The following ACOT12 variants were observed in gnomAD, a reference collection of about 807,000 sequenced individuals.
The protein encoded by ACOT12 is acyl-CoA thioesterase 12.
Under a neutral mutation model 67.7 loss-of-function variants are expected in ACOT12, and 51 were observed. The observed-to-expected ratio is 0.75, with a 90% CI of 0.60 to 0.95. The LOEUF is 0.95. Ranked by LOEUF, ACOT12 falls within the 40% of genes least tolerant of loss-of-function variation. ACOT12 has a pLI of 0.00. For missense variants in ACOT12, 734 were observed against 708.1 expected (o/e 1.04, Z -0.41); for synonymous variants, 251 against 244.6 (o/e 1.03, Z -0.24).
chr5:81,385,625 G>T, intron 2 of ACOT12, 132 bp downstream of exon 2: 1 of 759,126 alleles, frequency 1.3e-6, no homozygotes, highest in Non-Finnish European at 2.1e-6. Context: ...ACCTAAATTG[G>T]GTCACATGTT....
intron 11 of ACOT12, among the ~76,000 whole-genome samples, chr5:81,339,011 G>A (rs949556233): frequency 6.6e-6 from 1 of 150,508 alleles, no homozygotes; most frequent in Non-Finnish European, 1.5e-5. Context: ...AACCCAGGAG[G>A]GGGAGTTGTA....
rs575738919 is a variant in ACOT12 at position 81,330,268 on chromosome 5, G to A, written c.*126C>T. On this transcript the variant is annotated 3_prime_UTR_variant, in exon 15 of 15. Transcript: ENST00000307624. ...AAGATGCATTTTGTTTTTTAACTCCGTCACTGCATTTTGCTTAGGGTTATA... is the reference window on the plus strand; with the variant it reads ...AAGATGCATTTTGTTTTTTAACTCCATCACTGCATTTTGCTTAGGGTTATA... The A allele has an allele frequency of 7.9e-5, 85 of 1,074,950 alleles. 1 individual carries two copies. In the East Asian group the frequency reaches 1.3e-3, roughly 17 times the overall value. The allele number at this position is 1,074,950 out of a possible 1,614,324, so 66.6% of individuals were successfully genotyped here.
chr5:81,381,037 A>G (rs1023002844), intron 2 of ACOT12, among the ~76,000 whole-genome samples: 1 of 152,120 alleles, frequency 6.6e-6, no homozygotes, highest in Non-Finnish European at 1.5e-5. Context: ...CTAAATGTAG[A>G]AAAGATGCAG....
chr5:81,357,972 C>T (rs980850157), intron 5 of ACOT12, among the ~76,000 whole-genome samples: 1 of 143,844 alleles, frequency 7.0e-6, no homozygotes, highest in African/African-American at 2.6e-5. Flanking sequence ...CGCCACTGCA[C>T]TCCAGCCTGG....
In ACOT12 at chr5:81,338,852, TG is replaced by T. The variant is rs199795820; in HGVS notation, c.1129-2952del. On this transcript the variant is annotated intron_variant, in intron 11 of 14. Transcript: ENST00000307624. ...ATCCCAACACTTTGGGAGGCCGAGG[TG>T]GGCAGATCACCTGAGGTCAGGAGTT... is the stretch of plus-strand genomic sequence containing the variant. Among the ~76,000 whole-genome samples the T allele has an allele frequency of 1.5e-4, 23 of 152,212 alleles. No individual in the cohort carries two copies. In the East Asian group the frequency reaches 2.5e-3, roughly 17 times the overall value.
intron 5 of ACOT12, among the ~76,000 whole-genome samples, chr5:81,351,624 A>C (rs1037647686): frequency 1.3e-5 from 2 of 152,234 alleles, no homozygotes; most frequent in Non-Finnish European, 2.9e-5. Context: ...GAAAGGCTTA[A>C]ATCTAAGACC....
the ACOT12 span, among the ~76,000 whole-genome samples, chr5:81,319,755 T>C: frequency 6.6e-6 from 1 of 151,458 alleles, no homozygotes; most frequent in African/African-American, 2.4e-5. Flanking sequence ...TTAGCAGTCA[T>C]TCATCCTTCC....
At chr5:81,317,377 A>T in the ACOT12 span, among the ~76,000 whole-genome samples, 2 of 151,962 alleles carry the variant, frequency 1.3e-5, no homozygotes, top group Non-Finnish European at 2.9e-5. Context: ...TGGTGGGCAC[A>T]TGTAATCCCA....
intron 1 of ACOT12, among the ~76,000 whole-genome samples, chr5:81,391,282 C>T (rs897473099): frequency 2.0e-5 from 3 of 152,180 alleles, no homozygotes; most frequent in Admixed American, 1.3e-4. Context: ...TTTCCCAAAC[C>T]CTGTCTTTGG....
chr5:81,319,883 C>A, the ACOT12 span, among the ~76,000 whole-genome samples: 3 of 145,362 alleles, frequency 2.1e-5, no homozygotes, highest in Non-Finnish European at 4.5e-5. Flanking sequence ...TAGGAAGTGA[C>A]ATGCTGTGAC....
At chr5:81,387,226 C>T (rs1335221826) in intron 1 of ACOT12, among the ~76,000 whole-genome samples, 14 of 151,932 alleles carry the variant, frequency 9.2e-5, no homozygotes, top group Admixed American at 2.0e-4. Context: ...AGGATGGTCT[C>T]GATCTCCTGA....
At chr5:81,380,841 G>C (rs1226105374) in intron 2 of ACOT12, among the ~76,000 whole-genome samples, 1 of 152,042 alleles carries the variant, frequency 6.6e-6, no homozygotes, top group Non-Finnish European at 1.5e-5. Context: ...TTCATTAGGT[G>C]ATTTTGTTGT....
At chr5:81,311,148 T>C in the ACOT12 span, 1 of 1,558,020 alleles carries the variant, frequency 6.4e-7, no homozygotes, top group Non-Finnish European at 8.9e-7. Context: ...TGAAAGTGCT[T>C]TGAGATGTTA....
At chr5:81,363,711 T>C in intron 4 of ACOT12, 77 bp downstream of exon 4, 1 of 1,075,424 alleles carries the variant, frequency 9.3e-7, no homozygotes, top group Non-Finnish European at 1.3e-6. Flanking sequence ...GTGTCATTTT[T>C]TTCTATAACA....
At chr5:81,362,544 C>A (rs891056179) in intron 4 of ACOT12, among the ~76,000 whole-genome samples, 3 of 152,146 alleles carry the variant, frequency 2.0e-5, no homozygotes, top group Non-Finnish European at 2.9e-5. Flanking sequence ...TGACGGTCTT[C>A]CTCTGCTGCC....
At chr5:81,357,502 A>G (rs1379720167) in intron 5 of ACOT12, among the ~76,000 whole-genome samples, 1 of 150,862 alleles carries the variant, frequency 6.6e-6, no homozygotes, top group Non-Finnish European at 1.5e-5. Context: ...TCACACACAC[A>G]CACTCCATCT....
chr5:81,366,508 G>A (rs1182805784), intron 3 of ACOT12, among the ~76,000 whole-genome samples: 1 of 152,122 alleles, frequency 6.6e-6, no homozygotes, highest in Non-Finnish European at 1.5e-5. Context: ...AATATTTTAA[G>A]TTTTGTGGTC....
intron 2 of ACOT12, among the ~76,000 whole-genome samples, chr5:81,375,923 A>C (rs962212685): frequency 1.3e-5 from 2 of 152,236 alleles, no homozygotes; most frequent in African/African-American, 2.4e-5. Flanking sequence ...AATATTAGAC[A>C]GATCAATGAG....
At chr5:81,332,183 C>T (rs571367001) in intron 13 of ACOT12, among the ~76,000 whole-genome samples, 4 of 152,234 alleles carry the variant, frequency 2.6e-5, no homozygotes, top group African/African-American at 9.6e-5. Flanking sequence ...TTGGCTTCCA[C>T]GACATTTTTA....
Sources: gnomAD v4.1 joint callset for allele counts (sites outside exome capture counted in the v4.1 genomes callset) on GRCh38, gnomAD v4.1.1 for gene constraint, MANE v1.5 for transcripts, NCBI Gene and HGNC (gene_info 2026-07-23, HGNC 2026-07-21) for gene names.